LOXL1: variants seen among roughly 807,000 people sequenced by gnomAD.
The protein encoded by LOXL1 is lysyl oxidase homolog 1.
Under a neutral mutation model 62.2 loss-of-function variants are expected in LOXL1, and 31 were observed. That is an observed-to-expected ratio of 0.50 (90% confidence interval 0.37 to 0.67). LOXL1 has a LOEUF of 0.67. LOXL1 is among the 30% of genes least tolerant of loss of function. The pLI is 0.00. For synonymous variants in LOXL1, 403 were observed against 384.4 expected (o/e 1.05, Z -0.56); for missense variants, 775 against 843.4 (o/e 0.92, Z 1.00).
chr15:73,927,495 G>A lies in LOXL1; in HGVS notation c.712G>A (p.Gly238Ser). ...YQPRARYEEY[G>S]GGEELPEYPP... ...GCCCCGGGCGCGCTACGAGGAGTAC[G>A]GCGGCGGCGAAGAGCTGCCCGAGTA... is the stretch of plus-strand genomic sequence containing the variant. Residue 238 changes from glycine (G) to serine (S), a missense_variant, in exon 1 of 7, where the codon GGC becomes AGC. Physicochemically the swap from Gly to Ser is moderately conservative, Grantham distance 56. Coordinates refer to ENST00000261921, the MANE Select transcript of LOXL1 (RefSeq NM_005576.4). The A allele has an allele frequency of 6.8e-7, 1 of 1,468,358 alleles. No homozygotes were observed. The highest frequency in any genetic ancestry group is 9.0e-7 in the Non-Finnish European group (1 of 1,114,940). 91.0% of individuals were successfully genotyped at this position (1,468,358 alleles called of 1,614,324 possible).
rs747789913 is a variant in LOXL1 at position 73,951,785 on chromosome 15, G to A, written c.1719-46G>A. On this transcript the variant is annotated intron_variant, in intron 6 of 6. Transcript: ENST00000261921. ...CGCCCTGGCTGAGGAGGCCACGGGGGCCTACTTTGCAGCCCCTCATTGACC... is the reference window on the plus strand; with the variant it reads ...CGCCCTGGCTGAGGAGGCCACGGGGACCTACTTTGCAGCCCCTCATTGACC... 2.2e-5 allele frequency: 33 copies of A among 1,504,546 alleles called. No homozygotes were observed. The East Asian group carries it at 3.1e-4, about 14-fold the overall frequency. 93.2% of individuals were successfully genotyped at this position (1,504,546 alleles called of 1,614,324 possible).
intron 1 of LOXL1, among the ~76,000 whole-genome samples, chr15:73,938,275 G>GTATCTGTC (rs1555433294): frequency 3.6e-5 from 5 of 140,610 alleles, no homozygotes; most frequent in African/African-American, 8.1e-5. Context: ...GCTAGACTCC[G>GTATCTGTC]TATCTATCTA....
At chr15:73,951,780 CG>C in intron 6 of LOXL1, 50 bp from the exon 7 acceptor site, 6 of 1,491,976 alleles carry the variant, frequency 4.0e-6, no homozygotes, top group Non-Finnish European at 5.4e-6. Flanking sequence ...GAGGAGGCCA[CG>C]GGGGCCTACT....
chr15:73,935,867 G>A (rs529202645), intron 1 of LOXL1, among the ~76,000 whole-genome samples: 2 of 152,016 alleles, frequency 1.3e-5, no homozygotes, highest in Admixed American at 6.5e-5. Flanking sequence ...TGGTGGTGGA[G>A]GGGTGTTCAG....
chr15:73,951,786 C>G, intron 6 of LOXL1, 45 bp from the exon 7 acceptor site: 1 of 1,505,344 alleles, frequency 6.6e-7, no homozygotes. Context: ...GCCACGGGGG[C>G]CTACTTTGCA....
chr15:73,936,502 C>T (rs889209672), intron 1 of LOXL1, among the ~76,000 whole-genome samples: 10 of 152,212 alleles, frequency 6.6e-5, no homozygotes, highest in Non-Finnish European at 1.3e-4. Flanking sequence ...ACATCCCGCT[C>T]AGCACATATT....
At chr15:73,934,488 G>A (rs552987722) in intron 1 of LOXL1, among the ~76,000 whole-genome samples, 4 of 152,178 alleles carry the variant, frequency 2.6e-5, no homozygotes, top group Non-Finnish European at 5.9e-5. Context: ...CCTGGGAGAC[G>A]TGCACCAGAA....
intron 1 of LOXL1, among the ~76,000 whole-genome samples, chr15:73,932,650 G>A (rs574477348): frequency 2.0e-5 from 3 of 152,312 alleles, no homozygotes; most frequent in Non-Finnish European, 2.9e-5. Context: ...TGCATACTAA[G>A]TGCCGGACAC....
At chr15:73,928,617 A>C (rs978474819) in intron 1 of LOXL1, among the ~76,000 whole-genome samples, 22 of 150,690 alleles carry the variant, frequency 1.5e-4, no homozygotes, top group Non-Finnish European at 2.7e-4. Flanking sequence ...AAAAAAAAAA[A>C]AAAAAAAACC....
chr15:73,927,683 C>A lies in LOXL1; in HGVS notation c.900C>A (p.Ala300=). ...ACCCCGGTCCCGAGGCGGCGCAGGC[C>A]CATGGCGGAGACCCACGCCTGGGCT... The part of the protein sequence containing the change: ...YPDPGPEAAQ[A]HGGDPRLGWY... Residue 300 remains alanine, a synonymous_variant, in exon 1 of 7, where the codon GCC becomes GCA. Coordinates refer to ENST00000261921, the MANE Select transcript of LOXL1 (RefSeq NM_005576.4). 1 of 1,484,546 alleles carries A rather than the reference C, an allele frequency of 6.7e-7. No individual in the cohort carries two copies. Among genetic ancestry groups the A allele is most frequent in the Admixed American group, 2.3e-5 (1 of 43,274 alleles). The allele number at this position is 1,484,546 out of a possible 1,614,324, so 92.0% of individuals were successfully genotyped here.
intron 4 of LOXL1, 145 bp downstream of exon 4, chr15:73,947,368 G>A: frequency 1.2e-6 from 1 of 820,308 alleles, no homozygotes; most frequent in Non-Finnish European, 1.9e-6. Context: ...CAGTCCTCAG[G>A]CTGCCACACT....
rs932328615 is a variant in LOXL1 at position 73,927,663 on chromosome 15, G to A, written c.880G>A (p.Gly294Ser). The A allele has an allele frequency of 2.0e-6, 3 of 1,487,004 alleles. No homozygotes were observed. The highest frequency in any genetic ancestry group is 2.9e-5 in the African/African-American group (2 of 68,534). The allele number at this position is 1,487,004 out of a possible 1,614,324, so 92.1% of individuals were successfully genotyped here. A position where few individuals can be genotyped will look rare whatever the true frequency, so the allele number is the denominator to read the frequency against. Residue 294 changes from glycine (G) to serine (S), a missense_variant, in exon 1 of 7, where the codon GGT becomes AGT. Gly to Ser is a moderately conservative substitution (Grantham distance 56). Coordinates refer to ENST00000261921, the MANE Select transcript of LOXL1 (RefSeq NM_005576.4). ...CTTCGAGCAGGCCTACCCTGACCCC[G>A]GTCCCGAGGCGGCGCAGGCCCATGG... is the stretch of plus-strand genomic sequence containing the variant. ...PGFEQAYPDP[G>S]PEAAQAHGGD... is the part of the protein sequence containing the mutation.
intron 1 of LOXL1, chr15:73,928,095 C>G: frequency 2.3e-6 from 1 of 428,130 alleles, no homozygotes; most frequent in Non-Finnish European, 4.0e-6. Context: ...CAGGCATCAT[C>G]AGTGCCAGGG....
chr15:73,928,055 G>T (rs2081581415), intron 1 of LOXL1, 170 bp downstream of exon 1: 1 of 514,136 alleles, frequency 1.9e-6, no homozygotes, highest in African/African-American at 2.0e-5. Context: ...GCACCCCCCT[G>T]GCATCTCACC....
chr15:73,926,742 T>C lies in LOXL1; in HGVS notation c.-42T>C. 1 of 1,354,206 alleles carries C rather than the reference T, an allele frequency of 7.4e-7. No homozygotes were observed. The highest frequency in any genetic ancestry group is 3.0e-5 in the East Asian group (1 of 32,892). The allele number at this position is 1,354,206 out of a possible 1,614,324, so 83.9% of individuals were successfully genotyped here. ...AGAAGCACGCCCAGGGGGCCACTCC[T>C]GAGAGCCTCTCTGTCCACCAGGCCT... On this transcript the variant is annotated 5_prime_UTR_variant, in exon 1 of 7. Coordinates refer to ENST00000261921, the MANE Select transcript of LOXL1 (RefSeq NM_005576.4).
At chr15:73,931,027 C>A (rs182171990) in intron 1 of LOXL1, among the ~76,000 whole-genome samples, 2 of 152,192 alleles carry the variant, frequency 1.3e-5, no homozygotes, top group Non-Finnish European at 2.9e-5. Flanking sequence ...TCCTGGGATC[C>A]TCGCCTCAGC....
At chr15:73,929,850 A>G (rs1483278256) in intron 1 of LOXL1, among the ~76,000 whole-genome samples, 3 of 152,218 alleles carry the variant, frequency 2.0e-5, no homozygotes, top group Non-Finnish European at 4.4e-5. Flanking sequence ...GAGCTCTCAA[A>G]TGCCACAATA....
chr15:73,933,773 G>A (rs1380976398), intron 1 of LOXL1, among the ~76,000 whole-genome samples: 3 of 152,264 alleles, frequency 2.0e-5, no homozygotes, highest in East Asian at 3.8e-4. Context: ...CCGCCCAGGC[G>A]GCCCACACCT....
intron 4 of LOXL1, 32 bp downstream of exon 4, chr15:73,947,255 G>T: frequency 6.4e-7 from 1 of 1,567,764 alleles, no homozygotes. Context: ...TTGGGGCATG[G>T]GAGGATAAGG....
Sources: gnomAD v4.1 joint callset for allele counts (sites outside exome capture counted in the v4.1 genomes callset) on GRCh38, gnomAD v4.1.1 for gene constraint, MANE v1.5 for transcripts, NCBI Gene and HGNC (gene_info 2026-07-23, HGNC 2026-07-21) for gene names.